UNC5C: variants seen among roughly 807,000 people sequenced by gnomAD.
UNC5C encodes the protein unc-5 netrin receptor C.
A neutral mutation model predicts 99.8 loss-of-function variants in UNC5C; 47 were observed. That is an observed-to-expected ratio of 0.47 (90% CI 0.37 to 0.60). The LOEUF is 0.60. Among genes scored for constraint, UNC5C ranks in the 20% least tolerant of loss-of-function variants. The pLI, the probability that UNC5C is intolerant of heterozygous loss-of-function variation, is 0.00. For synonymous variants in UNC5C, 487 were observed against 452.2 expected, an observed-to-expected ratio of 1.08 and a Z score of -0.98; for missense variants, 1,062 against 1,165.9, an observed-to-expected ratio of 0.91 and a Z score of 1.30.
intron 1 of UNC5C, among the ~76,000 whole-genome samples, chr4:95,448,188 A>G (rs1368994424): frequency 3.6e-5 from 4 of 112,374 alleles, no homozygotes; most frequent in South Asian, 3.3e-4. Context: ...AGTTTTGCTA[A>G]TGTGTGTGTC....
At chr4:95,501,958 G>A (rs992911683) in intron 1 of UNC5C, among the ~76,000 whole-genome samples, 3 of 152,146 alleles carry the variant, frequency 2.0e-5, no homozygotes, top group Non-Finnish European at 4.4e-5. Context: ...CACAGCAGAA[G>A]AAGAGAGGAC....
At position 95,350,327 on chromosome 4, in the gene UNC5C, A is replaced by C. The variant is rs1474501054; in HGVS notation, c.125-14696T>G. ...CATGGTGAAACCCCATCTCTACTAA[A>C]AATACAAAAATTAGCTGGGCATGGT... On this transcript the variant is annotated intron_variant, in intron 1 of 15. Transcript: ENST00000453304. 3.3e-5 allele frequency among the ~76,000 whole-genome samples: 5 copies of C among 152,016 alleles called. No homozygotes were observed. In the South Asian group the frequency reaches 8.3e-4, roughly 25 times the overall value.
At chr4:95,259,553 C>T (rs1369343275) in intron 4 of UNC5C, among the ~76,000 whole-genome samples, 1 of 151,986 alleles carries the variant, frequency 6.6e-6, no homozygotes, top group East Asian at 1.9e-4. Flanking sequence ...TTAAATTGGC[C>T]AATATTGTTT....
At chr4:95,279,266 C>T (rs1402441194) in intron 3 of UNC5C, among the ~76,000 whole-genome samples, 5 of 152,146 alleles carry the variant, frequency 3.3e-5, no homozygotes, top group African/African-American at 1.2e-4. Context: ...AATCATATGG[C>T]CATTCTTTAA....
chr4:95,396,384 G>C (rs1745510208), intron 1 of UNC5C, among the ~76,000 whole-genome samples: 1 of 152,140 alleles, frequency 6.6e-6, no homozygotes, highest in Non-Finnish European at 1.5e-5. Flanking sequence ...GGAGAGAAAT[G>C]ATATACATTT....
intron 1 of UNC5C, among the ~76,000 whole-genome samples, chr4:95,507,245 G>T (rs78301877): frequency 0.069 from 10,450 of 151,806 alleles, 444 homozygotes; most frequent in Non-Finnish European, 0.1. Context: ...AGATACAAAG[G>T]AAAGTGTTTA....
chr4:95,233,600 T>C (rs995867805), intron 7 of UNC5C, among the ~76,000 whole-genome samples: 1 of 152,214 alleles, frequency 6.6e-6, no homozygotes, highest in Non-Finnish European at 1.5e-5. Context: ...TATTATATGC[T>C]ATCCATGACA....
At chr4:95,522,520 T>A (rs1360997851) in intron 1 of UNC5C, among the ~76,000 whole-genome samples, 2 of 152,004 alleles carry the variant, frequency 1.3e-5, no homozygotes, top group Non-Finnish European at 2.9e-5. Flanking sequence ...TTTAACAATT[T>A]CATCTTTATG....
chr4:95,299,055 ATT>A (rs1741775310), intron 3 of UNC5C, among the ~76,000 whole-genome samples: 3 of 152,040 alleles, frequency 2.0e-5, no homozygotes, highest in Admixed American at 1.3e-4. Flanking sequence ...ACTACATCCC[ATT>A]CCCCCAAATT....
At chr4:95,186,691 A>T (rs988116492) in intron 12 of UNC5C, among the ~76,000 whole-genome samples, 1 of 152,164 alleles carries the variant, frequency 6.6e-6, no homozygotes, top group Non-Finnish European at 1.5e-5. Flanking sequence ...TATCTAATGG[A>T]AGAGATGAGG....
At chr4:95,482,528 T>C (rs1281293684) in intron 1 of UNC5C, among the ~76,000 whole-genome samples, 1 of 147,544 alleles carries the variant, frequency 6.8e-6, no homozygotes, top group Non-Finnish European at 1.5e-5. Context: ...CAAAGGACTA[T>C]AAATCATGCT....
intron 4 of UNC5C, among the ~76,000 whole-genome samples, chr4:95,259,191 T>C (rs916484923): frequency 1.3e-5 from 2 of 152,176 alleles, no homozygotes; most frequent in African/African-American, 4.8e-5. Flanking sequence ...AAGTGTCTTA[T>C]CTTCTGTATG....
chr4:95,356,669 T>C (rs1372063258), intron 1 of UNC5C, among the ~76,000 whole-genome samples: 2 of 152,138 alleles, frequency 1.3e-5, no homozygotes, highest in South Asian at 2.1e-4. Context: ...GCTTCCACCA[T>C]GGCTGTGTAT....
chr4:95,536,377 C>T (rs1722783607), intron 1 of UNC5C, among the ~76,000 whole-genome samples: 1 of 152,044 alleles, frequency 6.6e-6, no homozygotes, highest in South Asian at 2.1e-4. Context: ...CGCCCAGCCA[C>T]TCAATATATT....
chr4:95,293,346 A>G (rs1283908205), intron 3 of UNC5C, among the ~76,000 whole-genome samples: 1 of 110,782 alleles, frequency 9.0e-6, no homozygotes, highest in Non-Finnish European at 1.7e-5. Flanking sequence ...ACTGTCACCC[A>G]GGCTGGAGTA....
chr4:95,406,261 C>A (rs1745826728), intron 1 of UNC5C, among the ~76,000 whole-genome samples: 1 of 152,200 alleles, frequency 6.6e-6, no homozygotes, highest in Non-Finnish European at 1.5e-5. Flanking sequence ...CATGTCCCTG[C>A]TTTTCAGTGT....
In UNC5C at chr4:95,166,814, A is replaced by G. The variant is rs1255182894; in HGVS notation, c.*2420T>C. 1 of 152,184 alleles carries G rather than the reference A, an allele frequency of 6.6e-6. No individual in the cohort carries two copies. The highest frequency in any genetic ancestry group is 2.4e-5 in the African/African-American group (1 of 41,440). The allele number at this position is 152,184 out of a possible 1,614,324, so 9.4% of individuals were successfully genotyped here. On this transcript the variant is annotated 3_prime_UTR_variant, in exon 16 of 16. Coordinates refer to ENST00000453304, the MANE Select transcript of UNC5C (RefSeq NM_003728.4). ...TCCTCCTTTTAAAAAATGTGTGTGT[A>G]TAACTGCGTGTATATATATTTGATT...
At chr4:95,348,756 G>T (rs1285810392) in intron 1 of UNC5C, among the ~76,000 whole-genome samples, 1 of 151,036 alleles carries the variant, frequency 6.6e-6, no homozygotes, top group Non-Finnish European at 1.5e-5. Flanking sequence ...CTATAAAAAA[G>T]ATTTTTTATG....
chr4:95,275,055 G>C (rs952700540), intron 4 of UNC5C, among the ~76,000 whole-genome samples: 10 of 73,038 alleles, frequency 1.4e-4, no homozygotes, highest in Admixed American at 3.2e-4. Flanking sequence ...AAAACATCAG[G>C]GTAAGGGCAG....
Sources: allele counts gnomAD v4.1 joint callset (sites outside exome capture counted in the v4.1 genomes callset), GRCh38; gene constraint gnomAD v4.1.1; transcripts MANE v1.5; gene names NCBI Gene and HGNC (gene_info 2026-07-23, HGNC 2026-07-21).